The following GCC2 variants were observed in gnomAD, a reference collection of about 807,000 sequenced individuals.
GCC2 encodes GRIP and coiled-coil domain containing 2.
In GCC2, 120 loss-of-function variants were observed where a neutral mutation model predicts 210.6. The observed-to-expected ratio is 0.57, with a 90% CI of 0.49 to 0.66. The LOEUF is 0.66. Ranked by LOEUF, GCC2 falls within the 30% of genes least tolerant of loss-of-function variation. The pLI is 0.00. For synonymous variants in GCC2, 703 were observed against 652.7 expected (o/e 1.08, Z -1.17); for missense variants, 1,868 against 1,871.9 (o/e 1.00, Z 0.04).
At chr2:108,451,524 A>G (rs1241330546) in intron 3 of GCC2, among the ~76,000 whole-genome samples, 1 of 152,182 alleles carries the variant, frequency 6.6e-6, no homozygotes, top group Non-Finnish European at 1.5e-5. Flanking sequence ...ATTTACAGAT[A>G]TTGAAGTATG....
chr2:108,488,709 G>A (rs1682265160), intron 17 of GCC2, among the ~76,000 whole-genome samples: 1 of 152,166 alleles, frequency 6.6e-6, no homozygotes, highest in African/African-American at 2.4e-5. Context: ...AAGAGAGAGA[G>A]AGGGCATTCC....
intron 4 of GCC2, among the ~76,000 whole-genome samples, chr2:108,464,467 C>T (rs1269255246): frequency 6.6e-6 from 1 of 152,182 alleles, no homozygotes; most frequent in Non-Finnish European, 1.5e-5. Flanking sequence ...TGGAGCAATG[C>T]CTTCATGCAG....
intron 4 of GCC2, among the ~76,000 whole-genome samples, chr2:108,458,061 A>C (rs762572087): frequency 2.0e-5 from 3 of 152,180 alleles, no homozygotes; most frequent in African/African-American, 7.2e-5. Flanking sequence ...TGAGTTTGTC[A>C]TATGTGGCCT....
intron 4 of GCC2, among the ~76,000 whole-genome samples, chr2:108,461,830 C>T (rs564281570): frequency 3.9e-4 from 48 of 124,078 alleles, no homozygotes; most frequent in Middle Eastern, 5.1e-3. Context: ...TTTTTTTTTT[C>T]TTTTTCTTTT....
At chr2:108,490,044 C>G in intron 18 of GCC2, 30 bp downstream of exon 18, 1 of 1,480,324 alleles carries the variant, frequency 6.8e-7, no homozygotes, top group Non-Finnish European at 9.1e-7. Flanking sequence ...TAACGCTGTA[C>G]CAGACAGCAA....
Position 108,472,144 on chromosome 2 carries a change from C to T in GCC2, c.2787+28C>T, listed in dbSNP as rs1553438906. Reference sequence around the variant, plus strand: ...ACCATTCATTTGAATTCTATTGTTTCAAATAAATTCTTAGTTCAACTCTAC... The same window carrying T: ...ACCATTCATTTGAATTCTATTGTTTTAAATAAATTCTTAGTTCAACTCTAC... On this transcript the variant is annotated intron_variant, in intron 6 of 22. Transcript: ENST00000309863. 3 of 1,386,486 alleles carry T rather than the reference C, an allele frequency of 2.2e-6. No individual in the cohort carries two copies. The East Asian group carries it at 7.1e-5, about 33-fold the overall frequency. 85.9% of individuals were successfully genotyped at this position (1,386,486 alleles called of 1,614,324 possible).
intron 19 of GCC2, 171 bp from the exon 20 acceptor site, chr2:108,495,120 A>G (rs1252319439): frequency 2.0e-5 from 9 of 445,182 alleles, no homozygotes; most frequent in African/African-American, 4.1e-5. Flanking sequence ...TTTGATGACT[A>G]AATTTTAAGA....
chr2:108,487,803 G>T lies in GCC2; in HGVS notation c.4035G>T (p.Glu1345Asp). 6.2e-7 allele frequency: 1 copy of T among 1,612,990 alleles called. No homozygotes were observed. The highest frequency in any genetic ancestry group is 1.7e-4 in the Middle Eastern group (1 of 6,056). ...KNKSMSQAET[E>D]GAKQEREHLE... is the part of the protein sequence containing the mutation. The stretch of plus-strand genomic sequence containing the variant: ...AATCTATGTCTCAGGCTGAAACTGA[G>T]GGCGCTAAACAAGAAAGGTAAAGTC... The change falls in exon 17 of 23, where the codon GAG becomes GAT. Residue 1345 changes from glutamate to aspartate, a missense_variant. Around this residue, in one of 3 missense-constraint regions of GCC2, gnomAD observed 1,847 missense variants for 1,765.2 expected, o/e 1.05. Transcript: ENST00000309863.
rs190789379 is a variant in GCC2 at position 108,454,786 on chromosome 2, T to C, written c.216+2320T>C. ...TACAAACAGGATTGATGTAGAAATG[T>C]AGGATTGATAAGGTAATATATCTAC... On this transcript the variant is annotated intron_variant, in intron 4 of 22. Coordinates refer to ENST00000309863, the MANE Select transcript of GCC2 (RefSeq NM_181453.4). Among the ~76,000 whole-genome samples the C allele has an allele frequency of 2.5e-3, 386 of 152,322 alleles. 2 individuals carry two copies. Among genetic ancestry groups the C allele is most frequent in the Non-Finnish European group, 4.1e-3 (280 of 68,030 alleles).
At chr2:108,496,435 T>A (rs1193094912) in intron 20 of GCC2, 1 of 160,852 alleles carries the variant, frequency 6.2e-6, no homozygotes, top group East Asian at 1.9e-4. Flanking sequence ...GCAAAGTTAA[T>A]AGTGGTGACA....
At chr2:108,450,021 G>C in intron 2 of GCC2, 1 of 252,772 alleles carries the variant, frequency 4.0e-6, no homozygotes, top group East Asian at 8.1e-5. Context: ...TCTGATCTGT[G>C]GGCTCCAGTT....
intron 4 of GCC2, among the ~76,000 whole-genome samples, chr2:108,458,237 A>G (rs1680368806): frequency 6.7e-6 from 1 of 149,578 alleles, no homozygotes; most frequent in Non-Finnish European, 1.5e-5. Flanking sequence ...GCATATATTG[A>G]ACCATCCTTG....
intron 4 of GCC2, among the ~76,000 whole-genome samples, chr2:108,452,842 C>T (rs1416184486): frequency 2.0e-5 from 3 of 151,700 alleles, no homozygotes; most frequent in Admixed American, 6.6e-5. Flanking sequence ...TACAGGCGCC[C>T]GCCACCACAC....
chr2:108,466,673 T>C (rs13398160), intron 4 of GCC2, among the ~76,000 whole-genome samples: 56,655 of 151,298 alleles, frequency 0.37, 12,284 homozygotes, highest in East Asian at 0.89. Context: ...GGGGTTTCAC[T>C]ATGTTAGCCA....
chr2:108,471,146 C>A lies in GCC2; in HGVS notation c.1817C>A (p.Ser606Tyr). Residue 606 changes from serine to tyrosine, a missense_variant, in exon 6 of 23, where the codon TCC (serine) becomes TAC (tyrosine). Ser to Tyr is a moderately radical substitution (Grantham distance 144). Transcript: ENST00000309863. ...GATTTTATAAATAAACTGAAAAATT[C>A]CCATGAAGAAATGGATAATTTCCAT... ...KDDFINKLKN[S>Y]HEEMDNFHKK... 2 of 1,588,650 alleles carry A rather than the reference C, an allele frequency of 1.3e-6. No homozygotes were observed. Among genetic ancestry groups the A allele is most frequent in the Non-Finnish European group, 1.7e-6 (2 of 1,162,492 alleles).
intron 4 of GCC2, among the ~76,000 whole-genome samples, chr2:108,452,691 C>CTTTTTTTTTTTTTTTTTTTTT (rs34444254): frequency 1.0e-5 from 1 of 99,438 alleles, no homozygotes; most frequent in African/African-American, 4.0e-5. Context: ...TTTTTTCTTT[C>CTTTTTTTTTTTTTTTTTTTTT]TTTTTTTTTT....
chr2:108,479,676 A>G (rs1331342315), intron 9 of GCC2, among the ~76,000 whole-genome samples: 4 of 151,798 alleles, frequency 2.6e-5, no homozygotes, highest in South Asian at 2.1e-4. Flanking sequence ...CCAAAAGAGC[A>G]TAAATGCCAC....
chr2:108,484,571 T>C (rs1682034128), intron 13 of GCC2: 1 of 172,296 alleles, frequency 5.8e-6, no homozygotes, highest in Non-Finnish European at 1.2e-5. Context: ...GTTTAAATCT[T>C]TAATCCATCT....
intron 4 of GCC2, among the ~76,000 whole-genome samples, chr2:108,454,553 T>A (rs1414416421): frequency 6.6e-6 from 1 of 152,232 alleles, no homozygotes; most frequent in Non-Finnish European, 1.5e-5. Context: ...ATATGTTTTC[T>A]TAATCCATGA....
Sources: gnomAD v4.1 joint callset for allele counts (sites outside exome capture counted in the v4.1 genomes callset) on GRCh38, gnomAD v4.1.1 for gene constraint, gnomAD v4.1.1 regional missense constraint, MANE v1.5 for transcripts, NCBI Gene and HGNC (gene_info 2026-07-23, HGNC 2026-07-21) for gene names.